Variants in SLC39A8 observed in about 807,000 individuals in gnomAD.
SLC39A8 encodes the protein metal cation symporter ZIP8.
SLC39A8 carries 15 observed loss-of-function variants against 40.4 expected under a neutral mutation model. The ratio of observed to expected loss-of-function variants is 0.37; its 90% CI spans 0.25 to 0.57. SLC39A8 has a LOEUF of 0.57. Ranked by LOEUF, SLC39A8 falls within the 20% of genes least tolerant of loss-of-function variation. The probability of loss-of-function intolerance (pLI) is 0.75; values close to 1 mark genes in which losing one functional copy is unlikely to be tolerated. For missense variants in SLC39A8, 472 were observed against 558.8 expected (o/e 0.84, Z 1.57); for synonymous variants, 223 against 221.6 (o/e 1.01, Z -0.06).
intron 2 of SLC39A8, among the ~76,000 whole-genome samples, chr4:102,317,370 C>A (rs1236249834): frequency 6.6e-6 from 1 of 151,906 alleles, no homozygotes; most frequent in Non-Finnish European, 1.5e-5. Flanking sequence ...AAGTATGTAC[C>A]TAAAATTGTT....
intron 6 of SLC39A8, among the ~76,000 whole-genome samples, chr4:102,279,055 T>C (rs1283638376): frequency 6.6e-6 from 1 of 151,850 alleles, no homozygotes; most frequent in Non-Finnish European, 1.5e-5. Flanking sequence ...AGATGACGGG[T>C]TGATGGATGC....
At chr4:102,322,160 A>G (rs1400229426) in intron 2 of SLC39A8, among the ~76,000 whole-genome samples, 1 of 152,178 alleles carries the variant, frequency 6.6e-6, no homozygotes, top group Non-Finnish European at 1.5e-5. Flanking sequence ...CACCTGTGCT[A>G]CTGAAAAACT....
At chr4:102,254,558 G>T (rs992860911) in intron 11 of SLC39A8, among the ~76,000 whole-genome samples, 6 of 152,338 alleles carry the variant, frequency 3.9e-5, no homozygotes, top group Non-Finnish European at 4.4e-5. Flanking sequence ...TTACATATCA[G>T]TGAGGCATGT....
intron 4 of SLC39A8, 123 bp downstream of exon 4, chr4:102,307,313 A>C: frequency 8.6e-7 from 1 of 1,162,872 alleles, no homozygotes; most frequent in Non-Finnish European, 1.2e-6. Flanking sequence ...GCTTTCTCTT[A>C]TCCAAGACAC....
intron 6 of SLC39A8, among the ~76,000 whole-genome samples, chr4:102,279,166 T>C (rs867879096): frequency 3.3e-5 from 5 of 151,774 alleles, no homozygotes; most frequent in Non-Finnish European, 7.4e-5. Flanking sequence ...AAAAGAATTC[T>C]TGCCTCCTGT....
chr4:102,327,709 A>T (rs573128397), intron 2 of SLC39A8, among the ~76,000 whole-genome samples: 4 of 152,184 alleles, frequency 2.6e-5, no homozygotes, highest in Non-Finnish European at 5.9e-5. Flanking sequence ...TCAACCCCTA[A>T]TAAGTCCTTG....
rs1029049932 is a variant in SLC39A8, at chr4:102,344,573, G to T, written c.90C>A (p.Ser30Arg). ...CGCCGAACACGCTCAGCACATCCTC[G>T]CTGAAGGCTAGCCCTGGCCCCTCCG... ...GVAEGPGLAFSEDVLSVFGAN... is the reference protein window; with the variant it reads ...GVAEGPGLAFREDVLSVFGAN... The change falls in exon 2 of 9, where the codon AGC becomes AGA. Residue 30 changes from serine to arginine, a missense_variant. Ser to Arg is a moderately radical substitution (Grantham distance 110). This residue lies in a region of SLC39A8 where 175 missense variants were observed against 160.5 expected (regional missense o/e 1.09). Coordinates refer to ENST00000356736, the MANE Select transcript of SLC39A8 (RefSeq NM_001135146.2). 3 of 1,550,876 alleles carry T rather than the reference G, an allele frequency of 1.9e-6. No individual in the cohort carries two copies. The Admixed American group carries it at 5.9e-5, about 30-fold the overall frequency.
At chr4:102,269,644 C>A (rs1732255765) in intron 6 of SLC39A8, 1 of 152,102 alleles carries the variant, frequency 6.6e-6, no homozygotes, top group Admixed American at 6.6e-5. Flanking sequence ...GGTAAACTTA[C>A]CCAGAGATAC....
In SLC39A8 at chr4:102,268,071, T is replaced by C. The variant is rs1007527911; in HGVS notation, c.849A>G (p.Lys283=). ...AACAGGTACATGAACTTGGCTCTTTTTTTCCATCCTAGCAGAAAATCAATT... is the reference window on the plus strand; with the variant it reads ...AACAGGTACATGAACTTGGCTCTTTCTTTCCATCCTAGCAGAAAATCAATT... ...NVSVVSLQDG[K]KEPSSCTCLK... The change falls in exon 7 of 9, where the codon AAA becomes AAG. Residue 283 remains lysine, a synonymous_variant. Transcript: ENST00000356736. The C allele has an allele frequency of 2.5e-6, 4 of 1,614,158 alleles. No homozygotes were observed. Among genetic ancestry groups the C allele is most frequent in the Non-Finnish European group, 3.4e-6 (4 of 1,180,016 alleles).
chr4:102,281,638 G>A (rs115865776), intron 6 of SLC39A8, among the ~76,000 whole-genome samples: 1,679 of 152,148 alleles, frequency 0.011, 39 homozygotes, highest in African/African-American at 0.039. Flanking sequence ...CCAAGTGGGG[G>A]TGATAAGGAA....
Position 102,307,429 on chromosome 4 carries a change from T to A in SLC39A8, c.552+7A>T, listed in dbSNP as rs374894534. ...TATTCACAGAAACAAATAGCCAACA[T>A]CCTTACCTCTGGAATAAGTTGGAAA... On this transcript the variant is annotated splice_region_variant and intron_variant, in intron 4 of 8. Coordinates refer to ENST00000356736, the MANE Select transcript of SLC39A8 (RefSeq NM_001135146.2). The A allele has an allele frequency of 1.1e-5, 18 of 1,612,630 alleles. No individual in the cohort carries two copies. Among genetic ancestry groups the A allele is most frequent in the Non-Finnish European group, 1.5e-5 (18 of 1,179,410 alleles).
chr4:102,339,322 G>A (rs1735812648), intron 2 of SLC39A8, among the ~76,000 whole-genome samples: 1 of 150,488 alleles, frequency 6.6e-6, no homozygotes, highest in African/African-American at 2.4e-5. Context: ...GCACATAAAG[G>A]GGAAAAAAAA....
intron 11 of SLC39A8, among the ~76,000 whole-genome samples, chr4:102,255,554 G>A (rs1167571565): frequency 6.6e-6 from 1 of 152,148 alleles, no homozygotes; most frequent in African/African-American, 2.4e-5. Context: ...ATCCTTAGAA[G>A]TTTCTGTGTA....
At chr4:102,310,810 G>C (rs538149390) in intron 3 of SLC39A8, among the ~76,000 whole-genome samples, 2 of 152,106 alleles carry the variant, frequency 1.3e-5, no homozygotes, top group Non-Finnish European at 2.9e-5. Context: ...GTTTCAGAGA[G>C]GGACCAGTCT....
chr4:102,329,496 G>A (rs1010661446), intron 2 of SLC39A8, among the ~76,000 whole-genome samples: 7 of 151,914 alleles, frequency 4.6e-5, no homozygotes, highest in Non-Finnish European at 7.4e-5. Context: ...GGTGGTGGGC[G>A]CCTGTAGTCC....
At chr4:102,332,284 T>A (rs1735500642) in intron 2 of SLC39A8, among the ~76,000 whole-genome samples, 1 of 152,084 alleles carries the variant, frequency 6.6e-6, no homozygotes, top group Admixed American at 6.5e-5. Flanking sequence ...AGGGCTAATA[T>A]CCAGAATCTA....
intron 6 of SLC39A8, among the ~76,000 whole-genome samples, chr4:102,287,574 C>T (rs150765575): frequency 1.3e-5 from 2 of 152,240 alleles, no homozygotes; most frequent in Non-Finnish European, 2.9e-5. Context: ...CCAAAACACA[C>T]CACGTCTCTC....
At chr4:102,320,312 A>ATATATATGAGAATGTATATATGAG (rs1487773449) in intron 2 of SLC39A8, among the ~76,000 whole-genome samples, 3 of 67,406 alleles carry the variant, frequency 4.5e-5, no homozygotes, top group South Asian at 1.2e-3. Flanking sequence ...ATATATGAGT[A>ATATATATGAGAATGTATATATGAG]TATATATATG....
rs868823972 is a variant in SLC39A8, at chr4:102,251,537, T to C, written c.*2192A>G. ...GTCCTACCTGGGCCCAAGAATTAAA[T>C]TGATGTAAGACAGGTTAACGGGAGA... On this transcript the variant is annotated 3_prime_UTR_variant and NMD_transcript_variant, in exon 12 of 12. Transcript: ENST00000424970. 2.6e-5 allele frequency: 4 copies of C among 152,296 alleles called. No individual in the cohort carries two copies. The South Asian group carries it at 6.2e-4, about 24-fold the overall frequency. The allele number at this position is 152,296 out of a possible 1,614,324, so 9.4% of individuals were successfully genotyped here.
Sources: allele counts gnomAD v4.1 joint callset (sites outside exome capture counted in the v4.1 genomes callset), GRCh38; gene constraint gnomAD v4.1.1; regional missense constraint gnomAD v4.1.1; transcripts MANE v1.5; gene names NCBI Gene and HGNC (gene_info 2026-07-23, HGNC 2026-07-21).